TEKT3: variants seen among roughly 807,000 people sequenced by gnomAD.
The protein encoded by TEKT3 is tektin 3.
TEKT3 carries 49 observed loss-of-function variants against 49.8 expected under a neutral mutation model. The ratio of observed to expected loss-of-function variants is 0.98; its 90% CI spans 0.78 to 1.25. The LOEUF (loss-of-function observed/expected upper bound fraction) is 1.25, where lower values mean the gene tolerates loss of function less well. Ranked by LOEUF, TEKT3 falls within the 50% of genes most tolerant of loss-of-function variation. TEKT3 has a pLI of 0.00. For missense variants in TEKT3, 595 were observed against 629.5 expected (o/e 0.95, Z 0.59); for synonymous variants, 225 against 237.2 (o/e 0.95, Z 0.47).
chr17:15,318,367 T>C (rs1350649840), intron 5 of TEKT3, among the ~76,000 whole-genome samples: 4 of 152,254 alleles, frequency 2.6e-5, no homozygotes, highest in Admixed American at 2.6e-4. Flanking sequence ...TTTCAAATGT[T>C]AGAGCTGAAC....
At chr17:15,335,776 A>G (rs923257833) in intron 2 of TEKT3, among the ~76,000 whole-genome samples, 1 of 152,240 alleles carries the variant, frequency 6.6e-6, no homozygotes, top group African/African-American at 2.4e-5. Flanking sequence ...ATACAAGGAC[A>G]TTGAGAAGAC....
intron 5 of TEKT3, among the ~76,000 whole-genome samples, chr17:15,316,720 T>C (rs1018384607): frequency 6.6e-5 from 10 of 152,186 alleles, no homozygotes; most frequent in African/African-American, 2.4e-4. Context: ...CAGAGGAAAG[T>C]TATAAACTAA....
At chr17:15,310,376 C>T (rs181539094) in intron 7 of TEKT3, among the ~76,000 whole-genome samples, 8 of 152,184 alleles carry the variant, frequency 5.3e-5, no homozygotes, top group African/African-American at 1.7e-4. Flanking sequence ...ATCGCCAGTG[C>T]CTTGGAAGGT....
chr17:15,312,184 G>A (rs1450070411), intron 7 of TEKT3, 75 bp downstream of exon 7: 13 of 1,398,562 alleles, frequency 9.3e-6, no homozygotes, highest in East Asian at 6.9e-5. Flanking sequence ...CTCTGGGAGT[G>A]GTGAGAGATT....
At chr17:15,323,683 G>A (rs1339960764) in intron 4 of TEKT3, among the ~76,000 whole-genome samples, 1 of 151,902 alleles carries the variant, frequency 6.6e-6, no homozygotes, top group African/African-American at 2.4e-5. Flanking sequence ...GACCTACTTT[G>A]GTAAAAAATA....
At chr17:15,306,089 ATGTGTGTG>A (rs58688985) in intron 8 of TEKT3, among the ~76,000 whole-genome samples, 1,522 of 144,394 alleles carry the variant, frequency 0.011, 36 homozygotes, top group African/African-American at 0.035. Flanking sequence ...ATTTATATAT[ATGTGTGTG>A]TGTGTGTGTG....
At chr17:15,340,903 C>T (rs1207070074) in intron 1 of TEKT3, among the ~76,000 whole-genome samples, 1 of 152,162 alleles carries the variant, frequency 6.6e-6, no homozygotes, top group Non-Finnish European at 1.5e-5. Context: ...TAATTTTACC[C>T]ATTTCCAGGA....
chr17:15,318,059 A>T (rs113805133), intron 5 of TEKT3, among the ~76,000 whole-genome samples: 2 of 140,518 alleles, frequency 1.4e-5, no homozygotes, highest in African/African-American at 5.4e-5. Context: ...GCGCAATCTC[A>T]GCTCACTGCA....
intron 4 of TEKT3, among the ~76,000 whole-genome samples, chr17:15,323,245 G>C (rs558061001): frequency 7.8e-4 from 119 of 152,334 alleles, no homozygotes; most frequent in African/African-American, 2.7e-3. Flanking sequence ...ACAAACGTCT[G>C]AGGCTGGAGT....
At chr17:15,314,864 A>G (rs961071189) in intron 5 of TEKT3, among the ~76,000 whole-genome samples, 1 of 151,712 alleles carries the variant, frequency 6.6e-6, no homozygotes, top group African/African-American at 2.4e-5. Flanking sequence ...AGGCTCACAC[A>G]CTCCAGCAGC....
chr17:15,319,895 C>T (rs1391551055), intron 4 of TEKT3, among the ~76,000 whole-genome samples: 1 of 152,160 alleles, frequency 6.6e-6, no homozygotes, highest in Non-Finnish European at 1.5e-5. Flanking sequence ...TTACTGTTAT[C>T]ATTTTCTCAG....
chr17:15,338,798 G>C (rs1721130195), intron 2 of TEKT3, among the ~76,000 whole-genome samples: 1 of 151,002 alleles, frequency 6.6e-6, no homozygotes, highest in Non-Finnish European at 1.5e-5. Flanking sequence ...TTACAGGCGT[G>C]AGCCACCGCG....
chr17:15,317,977 C>CT (rs371718658), intron 5 of TEKT3, among the ~76,000 whole-genome samples: 12 of 137,524 alleles, frequency 8.7e-5, no homozygotes, highest in South Asian at 2.3e-4. Context: ...GGTCGGATCT[C>CT]TTTTTTTTTT....
chr17:15,338,596 C>T (rs1912090199), intron 2 of TEKT3: 1 of 150,676 alleles, frequency 6.6e-6, no homozygotes, highest in Non-Finnish European at 1.5e-5. Flanking sequence ...GCTCCGCCTC[C>T]TGGGTTCACG....
intron 5 of TEKT3, among the ~76,000 whole-genome samples, chr17:15,315,590 A>G (rs78291077): frequency 5.0e-4 from 23 of 46,450 alleles, no homozygotes; most frequent in Admixed American, 2.2e-3. Context: ...CACCAGTGAG[A>G]AAAAAAAAAA....
intron 4 of TEKT3, among the ~76,000 whole-genome samples, chr17:15,325,677 C>A (rs996382571): frequency 1.3e-5 from 2 of 151,854 alleles, no homozygotes; most frequent in African/African-American, 4.8e-5. Context: ...CAAAAAAAAT[C>A]TGTTGGAAAT....
At chr17:15,323,100 T>C (rs1207475440) in intron 4 of TEKT3, among the ~76,000 whole-genome samples, 1 of 152,186 alleles carries the variant, frequency 6.6e-6, no homozygotes, top group African/African-American at 2.4e-5. Flanking sequence ...AGATCCTCTT[T>C]CCGTGCTGGT....
intron 4 of TEKT3, among the ~76,000 whole-genome samples, chr17:15,323,046 A>G (rs1433129176): frequency 6.6e-6 from 1 of 152,140 alleles, no homozygotes; most frequent in African/African-American, 2.4e-5. Context: ...GCAGAAACCT[A>G]GGTGAGGAGT....
At chr17:15,306,128 T>TGC (rs1555529001) in intron 8 of TEKT3, among the ~76,000 whole-genome samples, 5 of 149,100 alleles carry the variant, frequency 3.4e-5, no homozygotes, top group Non-Finnish European at 7.4e-5. Flanking sequence ...TGTGTGTGTG[T>TGC]GCATATATAT....
Sources: gnomAD v4.1 joint callset for allele counts (sites outside exome capture counted in the v4.1 genomes callset) on GRCh38, gnomAD v4.1.1 for gene constraint, MANE v1.5 for transcripts, NCBI Gene and HGNC (gene_info 2026-07-23, HGNC 2026-07-21) for gene names.